The following TGFB2 variants were observed in gnomAD, a reference collection of about 807,000 sequenced individuals.
TGFB2 encodes the protein transforming growth factor beta-2 proprotein.
A neutral mutation model predicts 42.7 loss-of-function variants in TGFB2; 13 were observed. That is an observed-to-expected ratio of 0.30 (90% CI 0.20 to 0.48). TGFB2 has a LOEUF of 0.48. TGFB2 is among the 20% of genes least tolerant of loss of function. The pLI, the probability that TGFB2 is intolerant of heterozygous loss-of-function variation, is 0.99. For synonymous variants in TGFB2, 193 were observed against 193.6 expected (o/e 1.00, Z 0.03); for missense variants, 390 against 517.5 (o/e 0.75, Z 2.39).
Position 218,395,276 on chromosome 1 carries a change from G to T in TGFB2, c.347-9893G>T, listed in dbSNP as rs556829513. On this transcript the variant is annotated intron_variant, in intron 1 of 6. Transcript: ENST00000366930. ...ACTTTCACACTGGGTGAGCCCCCAG[G>T]TCTCCACATCAGGTGCGTTCTCTTA... Among the ~76,000 whole-genome samples, 7 of 152,278 alleles carry T rather than the reference G, an allele frequency of 4.6e-5. No individual in the cohort carries two copies. The East Asian group carries it at 7.7e-4, about 17-fold the overall frequency.
chr1:218,350,595 G>A (rs927881420), intron 1 of TGFB2, among the ~76,000 whole-genome samples: 1 of 152,186 alleles, frequency 6.6e-6, no homozygotes, highest in African/African-American at 2.4e-5. Context: ...TATGATCAAA[G>A]CATATTCAAA....
chr1:218,362,758 C>A (rs1258373120), intron 1 of TGFB2, among the ~76,000 whole-genome samples: 2 of 152,130 alleles, frequency 1.3e-5, no homozygotes, highest in African/African-American at 2.4e-5. Flanking sequence ...GATGTAATAA[C>A]TATTGTGGAA....
chr1:218,384,643 C>G (rs910821475), intron 1 of TGFB2, among the ~76,000 whole-genome samples: 6 of 152,186 alleles, frequency 3.9e-5, no homozygotes, highest in Admixed American at 2.0e-4. Flanking sequence ...ATTCTTGGCC[C>G]TGTACATATT....
intron 1 of TGFB2, among the ~76,000 whole-genome samples, chr1:218,374,588 G>A (rs1657681870): frequency 6.6e-6 from 1 of 152,140 alleles, no homozygotes; most frequent in African/African-American, 2.4e-5. Context: ...ATCATCACAA[G>A]CTTCCGTTTA....
chr1:218,391,259 C>T (rs1329807779), intron 1 of TGFB2, among the ~76,000 whole-genome samples: 2 of 152,132 alleles, frequency 1.3e-5, no homozygotes, highest in East Asian at 3.8e-4. Flanking sequence ...GCCTACTGGT[C>T]CCCCTTGAAG....
intron 5 of TGFB2, 46 bp from the exon 6 acceptor site, chr1:218,437,297 A>C (rs1259481701): frequency 3.9e-6 from 6 of 1,525,528 alleles, no homozygotes; most frequent in Non-Finnish European, 5.3e-6. Flanking sequence ...GAGGGTGGTG[A>C]ATCAGCTTTA....
intron 1 of TGFB2, among the ~76,000 whole-genome samples, chr1:218,398,709 T>C (rs1658608404): frequency 6.6e-6 from 1 of 152,040 alleles, no homozygotes; most frequent in African/African-American, 2.4e-5. Flanking sequence ...TATCTCAGCC[T>C]CCCGAGTAGC....
chr1:218,419,819 A>C (rs1659395688), intron 2 of TGFB2, among the ~76,000 whole-genome samples: 1 of 152,230 alleles, frequency 6.6e-6, no homozygotes, highest in Non-Finnish European at 1.5e-5. Context: ...ATTTAATATT[A>C]ATAGATAATA....
chr1:218,347,738 A>G (rs1656737518), intron 1 of TGFB2, among the ~76,000 whole-genome samples: 1 of 152,216 alleles, frequency 6.6e-6, no homozygotes, highest in Non-Finnish European at 1.5e-5. Context: ...TGTAGAAAGG[A>G]CAACTCCGTT....
intron 1 of TGFB2, among the ~76,000 whole-genome samples, chr1:218,357,123 A>C (rs1657061541): frequency 6.6e-6 from 1 of 152,032 alleles, no homozygotes; most frequent in Non-Finnish European, 1.5e-5. Context: ...GAGGCAGGAG[A>C]ATTGCTCGAA....
intron 1 of TGFB2, among the ~76,000 whole-genome samples, chr1:218,382,824 A>T (rs1169300102): frequency 2.6e-5 from 4 of 152,178 alleles, no homozygotes; most frequent in African/African-American, 9.7e-5. Flanking sequence ...CTCCCAACAC[A>T]ATCACTAAGA....
At chr1:218,408,472 AC>A (rs1658986801) in intron 2 of TGFB2, among the ~76,000 whole-genome samples, 1 of 152,190 alleles carries the variant, frequency 6.6e-6, no homozygotes, top group South Asian at 2.1e-4. Context: ...GTCACTATAC[AC>A]GGGCATCTGG....
chr1:218,420,353 G>A (rs780571813), intron 2 of TGFB2, among the ~76,000 whole-genome samples: 2 of 152,154 alleles, frequency 1.3e-5, no homozygotes, highest in Non-Finnish European at 2.9e-5. Flanking sequence ...CTATACTGAT[G>A]TGGCTTTAGT....
At chr1:218,430,417 A>C (rs1659770342) in intron 2 of TGFB2, among the ~76,000 whole-genome samples, 2 of 152,192 alleles carry the variant, frequency 1.3e-5, no homozygotes, top group Non-Finnish European at 2.9e-5. Flanking sequence ...AGTATAAAGA[A>C]ATTTAGAAGC....
intron 1 of TGFB2, among the ~76,000 whole-genome samples, chr1:218,396,769 C>T (rs1321364046): frequency 6.6e-6 from 1 of 152,042 alleles, no homozygotes; most frequent in Non-Finnish European, 1.5e-5. Context: ...AAACTAAGTC[C>T]ACCCCAGTCA....
rs908011351 is a variant in TGFB2, at chr1:218,345,887, C to T, written c.-815C>T. Among the ~76,000 whole-genome samples the T allele has an allele frequency of 1.3e-5, 2 of 152,036 alleles. No individual in the cohort carries two copies. The highest frequency in any genetic ancestry group is 2.9e-5 in the Non-Finnish European group (2 of 67,996). On this transcript the variant is annotated 5_prime_UTR_variant, in exon 1 of 7. Coordinates refer to ENST00000366930, the MANE Select transcript of TGFB2 (RefSeq NM_003238.6). ...AGCAACGTGGAGTAACCAAGCGGGTCAGCGCGCGCCCGCCAGGGTGTAGGC... is the reference window on the plus strand; with the variant it reads ...AGCAACGTGGAGTAACCAAGCGGGTTAGCGCGCGCCCGCCAGGGTGTAGGC...
At chr1:218,366,746 C>G (rs972270683) in intron 1 of TGFB2, among the ~76,000 whole-genome samples, 1 of 152,226 alleles carries the variant, frequency 6.6e-6, no homozygotes, top group African/African-American at 2.4e-5. Context: ...ACATTTTAAA[C>G]AGGCACTGCA....
intron 1 of TGFB2, among the ~76,000 whole-genome samples, chr1:218,369,979 G>C (rs761149882): frequency 6.6e-6 from 1 of 152,184 alleles, no homozygotes; most frequent in Non-Finnish European, 1.5e-5. Context: ...GGGGATGTTG[G>C]TGTTATTTCT....
rs374400574 is a variant in TGFB2 at position 218,389,332 on chromosome 1, G to C, written c.347-15837G>C. Reference sequence around the variant, plus strand: ...AGACCTTGTCCTGGGCCTGGAGCTAGGACACAGGAGTGGGAAGATGACAGA... The same window carrying C: ...AGACCTTGTCCTGGGCCTGGAGCTACGACACAGGAGTGGGAAGATGACAGA... On this transcript the variant is annotated intron_variant, in intron 1 of 6. Coordinates refer to ENST00000366930, the MANE Select transcript of TGFB2 (RefSeq NM_003238.6). Among the ~76,000 whole-genome samples, 8 of 152,316 alleles carry C rather than the reference G, an allele frequency of 5.3e-5. No homozygotes were observed. In the South Asian group the frequency reaches 6.2e-4, roughly 12 times the overall value.
Sources: allele counts gnomAD v4.1 joint callset (sites outside exome capture counted in the v4.1 genomes callset), GRCh38; gene constraint gnomAD v4.1.1; transcripts MANE v1.5; gene names NCBI Gene and HGNC (gene_info 2026-07-23, HGNC 2026-07-21).